The following NHS variants were observed in gnomAD, a reference collection of about 807,000 sequenced individuals.
The protein encoded by NHS is NHS actin remodeling regulator, also known as actin remodeling regulator NHS.
NHS carries 5 observed loss-of-function variants against 72.5 expected under a neutral mutation model. That is an observed-to-expected ratio of 0.07 (90% confidence interval 0.04 to 0.14). The LOEUF (loss-of-function observed/expected upper bound fraction) is 0.14, where lower values mean the gene tolerates loss of function less well. Ranked by LOEUF, NHS falls within the 10% of genes least tolerant of loss-of-function variation. The pLI is 1.00. For missense variants in NHS, 1,072 were observed against 1,355.7 expected (o/e 0.79, Z 3.29); for synonymous variants, 464 against 547.7 (o/e 0.85, Z 2.13).
At chrX:17,446,859 A>G (rs2064783547) in intron 1 of NHS, among the ~76,000 whole-genome samples, 1 of 111,899 alleles carries the variant, frequency 8.9e-6, no homozygotes, top group South Asian at 3.7e-4. Context: ...TTTCTGTGTC[A>G]CCAAATATTC....
chrX:17,389,168 C>T (rs995241770), intron 1 of NHS, among the ~76,000 whole-genome samples: 4 of 112,033 alleles, frequency 3.6e-5, no homozygotes, highest in Non-Finnish European at 7.5e-5. Flanking sequence ...GTGAAATGTA[C>T]AGATCTTGAT....
At chrX:17,647,419 CAGAT>C (rs954098090) in intron 1 of NHS, among the ~76,000 whole-genome samples, 4 of 112,036 alleles carry the variant, frequency 3.6e-5, no homozygotes, top group Non-Finnish European at 7.5e-5. Flanking sequence ...CTTCCTTTCT[CAGAT>C]AGTTCAATTT....
At chrX:17,430,181 C>A (rs1449670481) in intron 1 of NHS, among the ~76,000 whole-genome samples, 1 of 74,746 alleles carries the variant, frequency 1.3e-5, no homozygotes, top group African/African-American at 5.2e-5. Flanking sequence ...CTTCTTCCTT[C>A]CCTTCTTTCC....
At chrX:17,431,440 C>G (rs2064694466) in intron 1 of NHS, among the ~76,000 whole-genome samples, 1 of 111,570 alleles carries the variant, frequency 9.0e-6, no homozygotes, top group South Asian at 3.8e-4. Flanking sequence ...AACAATGGCC[C>G]AAGTTGTAGG....
chrX:17,479,810 A>G (rs1163756471), intron 1 of NHS, among the ~76,000 whole-genome samples: 1 of 111,917 alleles, frequency 8.9e-6, no homozygotes, highest in Non-Finnish European at 1.9e-5. Context: ...TCAGATAGAT[A>G]GATTGCAAAA....
chrX:17,513,995 T>G (rs2065104913), intron 1 of NHS, among the ~76,000 whole-genome samples: 1 of 111,906 alleles, frequency 8.9e-6, no homozygotes, highest in Non-Finnish European at 1.9e-5. Flanking sequence ...GAGGAGCAAG[T>G]CATGTCTTAC....
chrX:17,539,358 T>C (rs1481289302), intron 1 of NHS, among the ~76,000 whole-genome samples: 1 of 109,866 alleles, frequency 9.1e-6, no homozygotes, highest in African/African-American at 3.3e-5. Flanking sequence ...CTCTGCGACA[T>C]AGCATATAAT....
intron 1 of NHS, among the ~76,000 whole-genome samples, chrX:17,390,631 A>G (rs2064440146): frequency 8.9e-6 from 1 of 111,986 alleles, no homozygotes; most frequent in African/African-American, 3.2e-5. Context: ...GTTCCCTGGA[A>G]GATTTTCAAA....
At chrX:17,698,596 C>A (rs925775255) in intron 3 of NHS, among the ~76,000 whole-genome samples, 1 of 111,999 alleles carries the variant, frequency 8.9e-6, no homozygotes, top group African/African-American at 3.2e-5. Flanking sequence ...CCTATTATTT[C>A]TTTTATGGAG....
At chrX:17,486,900 G>T (rs1245822303) in intron 1 of NHS, among the ~76,000 whole-genome samples, 3 of 110,968 alleles carry the variant, frequency 2.7e-5, no homozygotes, top group Non-Finnish European at 3.8e-5. Flanking sequence ...GCAACCTAAC[G>T]GGGTAGGTGC....
chrX:17,587,629 T>C (rs973110012), intron 1 of NHS, among the ~76,000 whole-genome samples: 4 of 112,450 alleles, frequency 3.6e-5, no homozygotes, highest in African/African-American at 1.3e-4. Flanking sequence ...AAGCAGTAAA[T>C]GAATCCTAGC....
At chrX:17,724,726 T>A (rs1254769145) in intron 6 of NHS, among the ~76,000 whole-genome samples, 1 of 111,968 alleles carries the variant, frequency 8.9e-6, no homozygotes, top group Non-Finnish European at 1.9e-5. Flanking sequence ...GTAGCAGGAG[T>A]CAATGAAAGT....
intron 1 of NHS, among the ~76,000 whole-genome samples, chrX:17,674,894 AG>A (rs2066070979): frequency 8.9e-6 from 1 of 112,113 alleles, no homozygotes; most frequent in Non-Finnish European, 1.9e-5. Context: ...CAAGGAAGGA[AG>A]GGGAGGAGCT....
chrX:17,539,166 C>G (rs945879489), intron 1 of NHS, among the ~76,000 whole-genome samples: 1 of 111,761 alleles, frequency 8.9e-6, no homozygotes, highest in African/African-American at 3.3e-5. Context: ...CCTTGCTGTT[C>G]CCTCTGCCTG....
chrX:17,430,284 T>C (rs1430650321), intron 1 of NHS, among the ~76,000 whole-genome samples: 1 of 82,253 alleles, frequency 1.2e-5, no homozygotes, highest in Non-Finnish European at 2.3e-5. Flanking sequence ...TCTTTCTTTC[T>C]TTCTTTCTTT....
chrX:17,671,361 G>A (rs2066044582), intron 1 of NHS, among the ~76,000 whole-genome samples: 1 of 112,396 alleles, frequency 8.9e-6, no homozygotes, highest in South Asian at 3.7e-4. Context: ...TCATTTCTGT[G>A]GATGCCCCAA....
chrX:17,479,440 A>C (rs111266574), intron 1 of NHS, among the ~76,000 whole-genome samples: 33 of 112,292 alleles, frequency 2.9e-4, no homozygotes, highest in African/African-American at 9.1e-4. Flanking sequence ...TGCTGGGTCA[A>C]ATGGTATTTC....
At chrX:17,693,973 T>C (rs1425731756) in intron 3 of NHS, among the ~76,000 whole-genome samples, 1 of 112,776 alleles carries the variant, frequency 8.9e-6, no homozygotes, top group Non-Finnish European at 1.9e-5. Flanking sequence ...TTATGGCTAA[T>C]TAAGTTGGTT....
At chrX:17,376,642 T>C (rs1210581490) in intron 1 of NHS, among the ~76,000 whole-genome samples, 1 of 111,739 alleles carries the variant, frequency 8.9e-6, no homozygotes, top group Non-Finnish European at 1.9e-5. Context: ...GCAGAGAGGG[T>C]CTGTCCTTCA....
Sources: allele counts gnomAD v4.1 joint callset (sites outside exome capture counted in the v4.1 genomes callset), GRCh38; gene constraint gnomAD v4.1.1; transcripts MANE v1.5; gene names NCBI Gene and HGNC (gene_info 2026-07-23, HGNC 2026-07-21).